The following RNF10 variants were observed in gnomAD, a reference collection of about 807,000 sequenced individuals.
RNF10 encodes the protein E3 ubiquitin-protein ligase RNF10.
RNF10 carries 38 observed loss-of-function variants against 91.4 expected under a neutral mutation model. The observed-to-expected ratio is 0.42, with a 90% CI of 0.32 to 0.54. The LOEUF (loss-of-function observed/expected upper bound fraction) is 0.54. RNF10 is among the 20% of genes least tolerant of loss of function. The pLI, the probability that RNF10 is intolerant of heterozygous loss-of-function variation, is 0.16. For missense variants in RNF10, 945 were observed against 1,012.0 expected, an observed-to-expected ratio of 0.93 and a Z score of 0.90; for synonymous variants, 364 against 366.3, an observed-to-expected ratio of 0.99 and a Z score of 0.07.
intron 1 of RNF10, chr12:120,539,546 C>A: frequency 1.7e-6 from 1 of 597,044 alleles, no homozygotes; most frequent in Non-Finnish European, 2.8e-6. Flanking sequence ...CTAGGCCGAG[C>A]CACCTGTTAG....
chr12:120,553,960 A>G (rs1214898866), intron 3 of RNF10: 1 of 142,040 alleles, frequency 7.0e-6, no homozygotes, highest in African/African-American at 2.7e-5. Flanking sequence ...GCTGGAGTGT[A>G]GTGGCGTGAT....
At chr12:120,556,006 C>G (rs974838409) in intron 4 of RNF10, among the ~76,000 whole-genome samples, 1 of 151,458 alleles carries the variant, frequency 6.6e-6, no homozygotes, top group East Asian at 2.0e-4. Flanking sequence ...CCAGGCTTGT[C>G]TCAAACTCCC....
intron 3 of RNF10, chr12:120,554,341 G>C (rs541175646): frequency 4.9e-6 from 1 of 203,384 alleles, no homozygotes; most frequent in Non-Finnish European, 1.0e-5. Context: ...GTGCCTGGCC[G>C]AGAACAGTCT....
Position 120,577,198 on chromosome 12 carries a change from G to A in RNF10, c.*532G>A. The A allele has an allele frequency of 2.2e-6, 1 of 448,792 alleles. No individual in the cohort carries two copies. Among genetic ancestry groups the A allele is most frequent in the Non-Finnish European group, 4.5e-6 (1 of 224,118 alleles). The allele number at this position is 448,792 out of a possible 1,614,324, so 27.8% of individuals were successfully genotyped here. Reference sequence around the variant, plus strand: ...TTTGAATTGCAGTTTTTTTTTTTCTGACACATGGCCAGGCTGTGGTGCCAG... The same window carrying A: ...TTTGAATTGCAGTTTTTTTTTTTCTAACACATGGCCAGGCTGTGGTGCCAG... On this transcript the variant is annotated 3_prime_UTR_variant, in exon 17 of 17. Transcript: ENST00000325954.
At chr12:120,574,439 G>A in intron 14 of RNF10, 1 of 456,032 alleles carries the variant, frequency 2.2e-6, no homozygotes, top group Non-Finnish European at 4.4e-6. Flanking sequence ...AGGGGCATGA[G>A]GATTGTTCTG....
chr12:120,547,009 G>A (rs1196106173), intron 2 of RNF10, among the ~76,000 whole-genome samples: 2 of 152,140 alleles, frequency 1.3e-5, no homozygotes, highest in Non-Finnish European at 2.9e-5. Flanking sequence ...CTATGCTTCT[G>A]TAAGTGCATA....
chr12:120,571,113 C>T (rs962371357), intron 13 of RNF10, 78 bp from the exon 14 acceptor site: 2 of 875,890 alleles, frequency 2.3e-6, no homozygotes, highest in Admixed American at 2.1e-5. Context: ...AGACCTGACT[C>T]AGGGCTCACT....
chr12:120,569,992 A>G (rs901109785), intron 13 of RNF10, among the ~76,000 whole-genome samples: 3 of 152,062 alleles, frequency 2.0e-5, no homozygotes, highest in African/African-American at 7.2e-5. Flanking sequence ...TCGCGGGTTC[A>G]AGCGATTCTC....
chr12:120,549,502 G>A (rs1872738164), intron 2 of RNF10, among the ~76,000 whole-genome samples: 1 of 152,030 alleles, frequency 6.6e-6, no homozygotes, highest in African/African-American at 2.4e-5. Flanking sequence ...GTGGGTGATG[G>A]GGCCGGGCGC....
chr12:120,576,536 AG>A, intron 16 of RNF10, 53 bp from the exon 17 acceptor site: 1 of 1,588,330 alleles, frequency 6.3e-7, no homozygotes, highest in South Asian at 1.1e-5. Context: ...AAAACTGGCC[AG>A]GGGACAAGGG....
intron 3 of RNF10, among the ~76,000 whole-genome samples, chr12:120,553,039 T>G (rs62783262): frequency 5.4e-4 from 2 of 3,678 alleles, no homozygotes; most frequent in South Asian, 5.6e-3. Flanking sequence ...AGAGGAAAGG[T>G]TTTTTTTTTT....
intron 13 of RNF10, among the ~76,000 whole-genome samples, chr12:120,568,814 G>C (rs554691852): frequency 6.6e-6 from 1 of 152,154 alleles, no homozygotes; most frequent in Non-Finnish European, 1.5e-5. Context: ...TCAGTGCTGT[G>C]ATGCATTCAT....
At chr12:120,537,770 C>G (rs902444593) in intron 1 of RNF10, among the ~76,000 whole-genome samples, 1 of 151,944 alleles carries the variant, frequency 6.6e-6, no homozygotes, top group South Asian at 2.1e-4. Context: ...TGTGCGTGTT[C>G]GTTTAGCAAG....
chr12:120,559,231 G>C (rs1408436540), intron 6 of RNF10, among the ~76,000 whole-genome samples: 1 of 140,314 alleles, frequency 7.1e-6, no homozygotes, highest in African/African-American at 2.8e-5. Context: ...TCCCAGGCTG[G>C]AGTGCAATGG....
chr12:120,574,570 A>G (rs2137275051), intron 14 of RNF10: 2 of 455,830 alleles, frequency 4.4e-6, no homozygotes, highest in South Asian at 3.1e-5. Context: ...GTGTCAGGAG[A>G]GAGTTTAGTT....
At chr12:120,542,564 G>GT (rs1191782110) in intron 1 of RNF10, among the ~76,000 whole-genome samples, 2 of 151,712 alleles carry the variant, frequency 1.3e-5, no homozygotes, top group Non-Finnish European at 2.9e-5. Context: ...TTATTTATTT[G>GT]TTTTTTGAGA....
At chr12:120,570,224 T>G (rs1156920016) in intron 13 of RNF10, 2 of 137,002 alleles carry the variant, frequency 1.5e-5, no homozygotes, top group Non-Finnish European at 3.1e-5. Context: ...TTTTGCTCTA[T>G]CACCCAGGCT....
chr12:120,565,404 C>G (rs775550315), intron 11 of RNF10, 24 bp from the exon 12 acceptor site: 12 of 1,611,262 alleles, frequency 7.4e-6, no homozygotes, highest in Non-Finnish European at 9.3e-6. Flanking sequence ...GGGTCTACCT[C>G]TTTACAACCT....
At chr12:120,555,154 G>T (rs1873783193) in intron 4 of RNF10, among the ~76,000 whole-genome samples, 1 of 152,198 alleles carries the variant, frequency 6.6e-6, no homozygotes, top group African/African-American at 2.4e-5. Context: ...CAGCCTTGTG[G>T]CAGGGAGGCA....
Sources: gnomAD v4.1 joint callset for allele counts (sites outside exome capture counted in the v4.1 genomes callset) on GRCh38, gnomAD v4.1.1 for gene constraint, MANE v1.5 for transcripts, NCBI Gene and HGNC (gene_info 2026-07-23, HGNC 2026-07-21) for gene names.